The following TMCO6 variants were observed in gnomAD, a reference collection of about 807,000 sequenced individuals.
TMCO6 encodes the protein transmembrane and coiled-coil domains 6.
In TMCO6, 47 loss-of-function variants were observed where a neutral mutation model predicts 61.8. The observed-to-expected ratio is 0.76, with a 90% CI of 0.60 to 0.97. TMCO6 has a LOEUF of 0.97. TMCO6 is among the 50% of genes least tolerant of loss of function. The probability of loss-of-function intolerance (pLI) is 0.00; values close to 1 mark genes in which losing one functional copy is unlikely to be tolerated. For synonymous variants in TMCO6, 261 were observed against 254.2 expected, an observed-to-expected ratio of 1.03 and a Z score of -0.25; for missense variants, 557 against 601.6, an observed-to-expected ratio of 0.93 and a Z score of 0.78.
the TMCO6 span, among the ~76,000 whole-genome samples, chr5:140,608,761 C>T: frequency 6.6e-6 from 1 of 152,150 alleles, no homozygotes; most frequent in African/African-American, 2.4e-5. Flanking sequence ...CTAGTGTTTC[C>T]TTACTGGATG....
the TMCO6 span, among the ~76,000 whole-genome samples, chr5:140,629,875 G>C: frequency 3.4e-5 from 5 of 149,172 alleles, no homozygotes; most frequent in African/African-American, 1.2e-4. Context: ...GGAGGTTGCA[G>C]TGAGCTGAGA....
intron 6 of TMCO6, 46 bp downstream of exon 6, chr5:140,642,717 A>T: frequency 6.2e-7 from 1 of 1,601,294 alleles, no homozygotes; most frequent in Non-Finnish European, 8.6e-7. Flanking sequence ...TGACCCACTC[A>T]GTAGTATAGC....
At chr5:140,639,159 T>G, upstream of TMCO6, 1 of 219,258 alleles carries the variant, frequency 4.6e-6, no homozygotes, top group African/African-American at 2.4e-5. Flanking sequence ...TGAACTTTCA[T>G]CTAGAGCGTA....
the TMCO6 span, among the ~76,000 whole-genome samples, chr5:140,600,512 C>T: frequency 2.0e-5 from 3 of 150,982 alleles, no homozygotes; most frequent in African/African-American, 7.3e-5. Flanking sequence ...GTCACTCAGG[C>T]TGGAGTACAG....
chr5:140,645,769 G>A (rs561343964), downstream of TMCO6: 3 of 1,580,352 alleles, frequency 1.9e-6, no homozygotes, highest in African/African-American at 4.0e-5. Flanking sequence ...TCTTAGTCTT[G>A]TTAAGACAGG....
intron 7 of TMCO6, among the ~76,000 whole-genome samples, 156 bp downstream of exon 7, chr5:140,643,197 G>C (rs1001051846): frequency 6.6e-6 from 1 of 152,116 alleles, no homozygotes; most frequent in Admixed American, 6.6e-5. Flanking sequence ...GACCTTAGCT[G>C]TTTCTCTTTT....
At chr5:140,616,850 A>G in the TMCO6 span, among the ~76,000 whole-genome samples, 1 of 130,506 alleles carries the variant, frequency 7.7e-6, no homozygotes, top group Admixed American at 7.8e-5. Flanking sequence ...GTTTGAGACC[A>G]GCCTGGGTAA....
the TMCO6 span, among the ~76,000 whole-genome samples, chr5:140,597,697 A>G: frequency 1.1e-4 from 16 of 152,208 alleles, no homozygotes; most frequent in Non-Finnish European, 7.3e-5. Context: ...TAGTTTAACA[A>G]GTGCCTCCCC....
chr5:140,640,823 C>T (rs1756980240), intron 2 of TMCO6, among the ~76,000 whole-genome samples: 1 of 152,220 alleles, frequency 6.6e-6, no homozygotes, highest in Non-Finnish European at 1.5e-5. Flanking sequence ...GTTGCCTGCA[C>T]ATTATCTGGC....
chr5:140,639,445 G>A, upstream of TMCO6: 1 of 1,396,196 alleles, frequency 7.2e-7, no homozygotes, highest in Non-Finnish European at 9.9e-7. Context: ...CCTGTGCTGA[G>A]GCTGCGCAGT....
chr5:140,615,876 C>A, the TMCO6 span, among the ~76,000 whole-genome samples: 4 of 152,122 alleles, frequency 2.6e-5, no homozygotes, highest in African/African-American at 9.7e-5. Flanking sequence ...CTCATGTGTG[C>A]AATCCCAGCT....
chr5:140,622,165 C>A, the TMCO6 span, among the ~76,000 whole-genome samples: 3 of 152,298 alleles, frequency 2.0e-5, no homozygotes, highest in Non-Finnish European at 4.4e-5. Context: ...TGGGGCATCA[C>A]GGAACCTACC....
chr5:140,599,916 T>C, the TMCO6 span, among the ~76,000 whole-genome samples: 2 of 144,210 alleles, frequency 1.4e-5, no homozygotes, highest in Admixed American at 1.4e-4. Context: ...TCAAATAAAA[T>C]ATAAAATAAA....
At chr5:140,627,166 T>C in the TMCO6 span, among the ~76,000 whole-genome samples, 1 of 152,050 alleles carries the variant, frequency 6.6e-6, no homozygotes, top group Non-Finnish European at 1.5e-5. Context: ...TCTCTACTAG[T>C]CTCAATTGCA....
chr5:140,632,257 C>A, the TMCO6 span: 1 of 1,613,624 alleles, frequency 6.2e-7, no homozygotes, highest in African/African-American at 1.3e-5. The surrounding 1 kb of genome is among the most constrained non-coding windows in gnomAD (Gnocchi z 6.2). Context: ...GCCGCCAGTG[C>A]GGCGCACACG....
intron 2 of TMCO6, 123 bp downstream of exon 2, chr5:140,639,974 C>G: frequency 1.3e-6 from 1 of 772,406 alleles, no homozygotes; most frequent in East Asian, 2.7e-5. Flanking sequence ...TCCAGTGGGT[C>G]AAGCCAGAAA....
Position 140,645,357 on chromosome 5 carries a change from A to G in TMCO6, c.*259A>G, listed in dbSNP as rs1581472972. On this transcript the variant is annotated 3_prime_UTR_variant, in exon 12 of 12. Coordinates refer to ENST00000394671, the MANE Select transcript of TMCO6 (RefSeq NM_018502.5). ...CGCCACCCTTCATGTTTGCTTCAGC[A>G]GCTGGTAGCTTTTGATGAGACAGAA... 1.3e-6 allele frequency: 1 copy of G among 758,964 alleles called. No homozygotes were observed. The highest frequency in any genetic ancestry group is 2.7e-5 in the East Asian group (1 of 37,414). The allele number at this position is 758,964 out of a possible 1,614,324, so 47.0% of individuals were successfully genotyped here. A position where few individuals can be genotyped will look rare whatever the true frequency, so the allele number is the denominator to read the frequency against.
At chr5:140,598,566 T>G in the TMCO6 span, among the ~76,000 whole-genome samples, 1 of 152,252 alleles carries the variant, frequency 6.6e-6, no homozygotes, top group Non-Finnish European at 1.5e-5. Context: ...GTACAGTATC[T>G]TTTGTTCCAA....
chr5:140,613,622 T>C, the TMCO6 span, among the ~76,000 whole-genome samples: 1 of 152,216 alleles, frequency 6.6e-6, no homozygotes, highest in Non-Finnish European at 1.5e-5. Context: ...CTCAAGAACA[T>C]TGCTCCAGCA....
Sources: gnomAD v4.1 joint callset for allele counts (sites outside exome capture counted in the v4.1 genomes callset) on GRCh38, gnomAD v4.1.1 for gene constraint, Gnocchi (gnomAD v3.1) non-coding constraint, MANE v1.5 for transcripts, NCBI Gene and HGNC (gene_info 2026-07-23, HGNC 2026-07-21) for gene names.